PPP1R1C: variants seen among roughly 807,000 people sequenced by gnomAD.
The protein encoded by PPP1R1C is protein phosphatase 1 regulatory inhibitor subunit 1C, also known as protein phosphatase 1 regulatory subunit 1C.
A neutral mutation model predicts 17.4 loss-of-function variants in PPP1R1C; 15 were observed. The observed-to-expected ratio is 0.86, with a 90% CI of 0.58 to 1.33. The LOEUF (loss-of-function observed/expected upper bound fraction) is 1.33, where lower values mean the gene tolerates loss of function less well. Ranked by LOEUF, PPP1R1C falls within the 40% of genes most tolerant of loss-of-function variation. PPP1R1C has a pLI of 0.00. For synonymous variants in PPP1R1C, 35 were observed against 43.1 expected (o/e 0.81, Z 0.73); for missense variants, 143 against 130.0 (o/e 1.10, Z -0.48).
intron 5 of PPP1R1C, among the ~76,000 whole-genome samples, chr2:182,125,078 A>G (rs1689842184): frequency 6.6e-6 from 1 of 152,200 alleles, no homozygotes; most frequent in Non-Finnish European, 1.5e-5. Context: ...TTCCATCAAT[A>G]CATAGTTTGT....
chr2:182,006,231 C>T (rs1224246234), intron 2 of PPP1R1C, among the ~76,000 whole-genome samples: 4 of 152,002 alleles, frequency 2.6e-5, no homozygotes, highest in African/African-American at 9.7e-5. Flanking sequence ...CATGATCTTA[C>T]TAAATAAAGA....
At chr2:182,129,348 T>G (rs944853559) in exon 6 of PPP1R1C, 2 of 152,004 alleles carry the variant, frequency 1.3e-5, no homozygotes, top group Non-Finnish European at 2.9e-5. Context: ...CAACAGGGAG[T>G]CTTTCAAAAA....
rs1046601199 is a variant in PPP1R1C, at chr2:182,075,888, A to G, written c.241+12097A>G. 5.9e-5 allele frequency among the ~76,000 whole-genome samples: 9 copies of G among 152,172 alleles called. No homozygotes were observed. In the East Asian group the frequency reaches 9.6e-4, roughly 16 times the overall value. On this transcript the variant is annotated intron_variant, in intron 4 of 4. Transcript: ENST00000682840. The stretch of plus-strand genomic sequence containing the variant: ...ACTTACAGTACTTCTGTGAAAAAAT[A>G]TATTTTATGTATCAAAAATTGTCAC...
At chr2:182,049,829 T>A (rs1182674012) in intron 2 of PPP1R1C, among the ~76,000 whole-genome samples, 1 of 152,234 alleles carries the variant, frequency 6.6e-6, no homozygotes, top group Non-Finnish European at 1.5e-5. Context: ...GATTTCCATA[T>A]TATTTATTCA....
At chr2:182,025,718 A>C (rs1335884015) in intron 2 of PPP1R1C, among the ~76,000 whole-genome samples, 3 of 141,466 alleles carry the variant, frequency 2.1e-5, no homozygotes, top group Non-Finnish European at 4.6e-5. Flanking sequence ...CTTTGGGTAT[A>C]TACCCAGTAA....
rs560838597 is a variant in PPP1R1C, at chr2:182,060,475, G to T, written c.143-967G>T. ...AGTACAGATAGGGATAAAACAGAATGTGTTATTCAATCACCCCAGGATAAC... is the reference window on the plus strand; with the variant it reads ...AGTACAGATAGGGATAAAACAGAATTTGTTATTCAATCACCCCAGGATAAC... On this transcript the variant is annotated intron_variant, in intron 2 of 4. Transcript: ENST00000682840. 8.5e-5 allele frequency among the ~76,000 whole-genome samples: 13 copies of T among 152,204 alleles called. No individual in the cohort carries two copies. The East Asian group carries it at 1.4e-3, about 16-fold the overall frequency.
chr2:182,004,782 A>G (rs1406343129), intron 2 of PPP1R1C, among the ~76,000 whole-genome samples: 1 of 152,232 alleles, frequency 6.6e-6, no homozygotes, highest in Non-Finnish European at 1.5e-5. Flanking sequence ...CTGTGGCTGC[A>G]GAAAAAGAAA....
chr2:182,067,136 T>G (rs901830587), intron 4 of PPP1R1C, among the ~76,000 whole-genome samples: 2 of 152,152 alleles, frequency 1.3e-5, no homozygotes, highest in African/African-American at 4.8e-5. Flanking sequence ...ATTACCATTC[T>G]TAATGCATAG....
At chr2:181,972,445 G>A (rs924196019) in intron 1 of PPP1R1C, among the ~76,000 whole-genome samples, 3 of 151,994 alleles carry the variant, frequency 2.0e-5, no homozygotes, top group African/African-American at 4.8e-5. Flanking sequence ...GACAATAAAC[G>A]TGTATTCATC....
intron 2 of PPP1R1C, among the ~76,000 whole-genome samples, chr2:182,036,695 CTATG>C (rs532763868): frequency 1.2e-3 from 179 of 152,098 alleles, no homozygotes; most frequent in African/African-American, 4.1e-3. Flanking sequence ...GTCTCTCTCT[CTATG>C]TGTTTGTGTG....
chr2:181,960,124 C>T (rs2125130208), intron 1 of PPP1R1C, among the ~76,000 whole-genome samples: 1 of 152,204 alleles, frequency 6.6e-6, no homozygotes, highest in East Asian at 1.9e-4. Context: ...CTAACACCTG[C>T]TTTATAAATT....
chr2:181,962,642 T>A lies in PPP1R1C; in HGVS notation n.111+8008T>A, dbSNP rs542234706. Among the ~76,000 whole-genome samples the A allele has an allele frequency of 6.1e-4, 93 of 152,326 alleles. No homozygotes were observed. Among genetic ancestry groups the A allele is most frequent in the African/African-American group, 2.0e-3 (82 of 41,574 alleles). ...CAGGGCAATAAATTAAAGACTTTATTTGAATAATCTGGGTCCCACCCTCTA... is the reference window on the plus strand; with the variant it reads ...CAGGGCAATAAATTAAAGACTTTATATGAATAATCTGGGTCCCACCCTCTA... On this transcript the variant is annotated intron_variant and non_coding_transcript_variant, in intron 1 of 5. Coordinates refer to the PPP1R1C transcript ENST00000464264. The surrounding 1 kb of genome is among the most constrained non-coding windows in gnomAD (Gnocchi z 6.0).
At chr2:182,115,691 T>G (rs1023017404) in intron 4 of PPP1R1C, among the ~76,000 whole-genome samples, 2 of 152,202 alleles carry the variant, frequency 1.3e-5, no homozygotes, top group Non-Finnish European at 2.9e-5. Flanking sequence ...TTGTGAGTAA[T>G]GTAAGTTTTC....
At chr2:182,049,994 C>A (rs114061661) in intron 2 of PPP1R1C, among the ~76,000 whole-genome samples, 3,147 of 152,278 alleles carry the variant, frequency 0.021, 101 homozygotes, top group African/African-American at 0.072. Context: ...GGGGCTCTGC[C>A]AGAGGCCAAA....
intron 2 of PPP1R1C, among the ~76,000 whole-genome samples, chr2:182,038,651 A>C (rs1182285784): frequency 1.3e-5 from 2 of 152,176 alleles, no homozygotes; most frequent in Non-Finnish European, 2.9e-5. Context: ...AGTCGACTGC[A>C]TACAGAAGAA....
At chr2:182,026,645 A>G (rs1232914540) in intron 2 of PPP1R1C, among the ~76,000 whole-genome samples, 1 of 152,126 alleles carries the variant, frequency 6.6e-6, no homozygotes, top group Non-Finnish European at 1.5e-5. Flanking sequence ...AGGTAGTGTG[A>G]TGCCTCCAGC....
intron 2 of PPP1R1C, among the ~76,000 whole-genome samples, chr2:182,027,805 C>T (rs1269516833): frequency 6.7e-6 from 1 of 148,152 alleles, no homozygotes; most frequent in South Asian, 2.2e-4. Context: ...CCTCCTTGTA[C>T]CTCTGGTAGA....
Position 182,117,244 on chromosome 2 carries a change from C to A in PPP1R1C, c.279C>A (p.Phe93Leu), listed in dbSNP as rs764816942. Reference sequence around the variant, plus strand: ...TGAAAGGCCAGAATGAATCAGCATTCCCTGAAGAAGAAGAAGGCACCAATG... The same window carrying A: ...TGAAAGGCCAGAATGAATCAGCATTACCTGAAGAAGAAGAAGGCACCAATG... ...KHLKGQNESA[F>L]PEEEEGTNER... The change falls in exon 5 of 5, where the codon TTC (phenylalanine) becomes TTA (leucine). Residue 93 changes from phenylalanine to leucine, a missense_variant. Coordinates refer to ENST00000682840, the MANE Select transcript of PPP1R1C (RefSeq NM_001080545.3). 6.4e-7 allele frequency: 1 copy of A among 1,562,734 alleles called. No individual in the cohort carries two copies. The highest frequency in any genetic ancestry group is 1.7e-4 in the Middle Eastern group (1 of 6,006).
chr2:182,104,402 G>A (rs748052490), intron 4 of PPP1R1C, among the ~76,000 whole-genome samples: 11 of 152,162 alleles, frequency 7.2e-5, no homozygotes, highest in Non-Finnish European at 1.5e-4. Context: ...CATTTATTAT[G>A]AAATGATGTT....
Sources: gnomAD v4.1 joint callset for allele counts (sites outside exome capture counted in the v4.1 genomes callset) on GRCh38, gnomAD v4.1.1 for gene constraint, Gnocchi (gnomAD v3.1) non-coding constraint, MANE v1.5 for transcripts, NCBI Gene and HGNC (gene_info 2026-07-23, HGNC 2026-07-21) for gene names.